Variants in MYO3A observed in about 807,000 individuals in gnomAD.
MYO3A encodes the protein myosin IIIA.
In MYO3A, 180 loss-of-function variants were observed where a neutral mutation model predicts 192.7. That is an observed-to-expected ratio of 0.93 (90% CI 0.83 to 1.06). The LOEUF is 1.06. Among genes scored for constraint, MYO3A ranks in the 50% least tolerant of loss-of-function variants. The pLI is 0.00. For missense variants in MYO3A, 1,896 were observed against 1,905.0 expected, an observed-to-expected ratio of 1.00 and a Z score of 0.09; for synonymous variants, 628 against 645.3, an observed-to-expected ratio of 0.97 and a Z score of 0.41.
At chr10:26,138,016 C>T (rs1490164564) in intron 20 of MYO3A, among the ~76,000 whole-genome samples, 1 of 152,138 alleles carries the variant, frequency 6.6e-6, no homozygotes, top group Non-Finnish European at 1.5e-5. Flanking sequence ...TTGTTGGACC[C>T]TTATCAGGAG....
In MYO3A at chr10:26,048,930, C is replaced by T. The variant is rs183079863; in HGVS notation, c.954-18045C>T. On this transcript the variant is annotated intron_variant, in intron 10 of 34. Coordinates refer to ENST00000642920, the MANE Select transcript of MYO3A (RefSeq NM_017433.5). ...AGGCCCAGGACAGAGCTCTGGGAAA[C>T]AACAACATTTAGTCACTAGCAGAGG... Among the ~76,000 whole-genome samples the T allele has an allele frequency of 4.2e-4, 64 of 152,176 alleles. 1 individual carries two copies. The highest frequency in any genetic ancestry group is 1.4e-3 in the Admixed American group (22 of 15,286).
chr10:26,172,234 C>G (rs75397842), intron 29 of MYO3A, among the ~76,000 whole-genome samples: 2 of 152,238 alleles, frequency 1.3e-5, no homozygotes, highest in East Asian at 1.9e-4. Context: ...CCTCAGCTAC[C>G]TGAAGCGCTT....
Position 26,193,219 on chromosome 10 carries a change from G to A in MYO3A, c.4453G>A (p.Glu1485Lys), listed in dbSNP as rs145362803. The A allele has an allele frequency of 1.4e-5, 23 of 1,613,320 alleles. No homozygotes were observed. In the African/African-American group the frequency reaches 2.8e-4, roughly 20 times the overall value. ...QQCLSGVCKG[E>K]EPKILRPPRR... ...CTTTCTTATAGGTGTCTGTAAAGGA[G>A]AGGAGCCAAAAATATTGAGACCCCC... Residue 1485 changes from glutamate (E) to lysine (K), a missense_variant, in exon 32 of 35, where the codon GAG becomes AAG. Physicochemically the swap from Glu to Lys is moderately conservative, Grantham distance 56. Transcript: ENST00000642920.
chr10:25,951,503 C>T (rs1278290122), intron 2 of MYO3A, among the ~76,000 whole-genome samples: 1 of 152,018 alleles, frequency 6.6e-6, no homozygotes, highest in Non-Finnish European at 1.5e-5. Flanking sequence ...ATATTAAAGT[C>T]CTCAAGAAAG....
At chr10:26,187,399 A>G (rs1191973122) in intron 31 of MYO3A, among the ~76,000 whole-genome samples, 1 of 152,202 alleles carries the variant, frequency 6.6e-6, no homozygotes, top group Admixed American at 6.5e-5. Context: ...GTTCAAGATC[A>G]AGGTGTCAGC....
At chr10:26,087,781 G>A (rs1406251143) in intron 14 of MYO3A, among the ~76,000 whole-genome samples, 1 of 152,156 alleles carries the variant, frequency 6.6e-6, no homozygotes, top group East Asian at 1.9e-4. Context: ...CTGAATTAAT[G>A]AGTTATCTTT....
chr10:26,179,251 A>G (rs1842492060), intron 31 of MYO3A, among the ~76,000 whole-genome samples: 1 of 150,954 alleles, frequency 6.6e-6, no homozygotes, highest in Non-Finnish European at 1.5e-5. Context: ...GGCGACCACC[A>G]CCATGCCCAG....
At chr10:26,110,312 C>A (rs1376187186) in intron 17 of MYO3A, among the ~76,000 whole-genome samples, 3 of 152,042 alleles carry the variant, frequency 2.0e-5, no homozygotes, top group Non-Finnish European at 2.9e-5. Context: ...ATGAATGAGC[C>A]CCTTCTCTCT....
chr10:26,021,387 T>C (rs1842292595), intron 7 of MYO3A, 116 bp from the exon 8 acceptor site: 8 of 1,242,940 alleles, frequency 6.4e-6, no homozygotes. Flanking sequence ...CCTTCGTCTT[T>C]ACTTATAGCT....
At chr10:25,934,646 G>A (rs1800935247) in intron 1 of MYO3A, among the ~76,000 whole-genome samples, 1 of 151,408 alleles carries the variant, frequency 6.6e-6, no homozygotes, top group Admixed American at 6.6e-5. Flanking sequence ...AGGGGGAAAC[G>A]GGGGCGGGGG....
chr10:26,184,066 G>C (rs1842750576), intron 31 of MYO3A, among the ~76,000 whole-genome samples: 1 of 152,186 alleles, frequency 6.6e-6, no homozygotes, highest in Non-Finnish European at 1.5e-5. Flanking sequence ...TAAAAAGAGA[G>C]AGAGAATTGA....
chr10:26,027,240 G>T (rs1842596179), intron 10 of MYO3A, among the ~76,000 whole-genome samples: 1 of 152,110 alleles, frequency 6.6e-6, no homozygotes, highest in African/African-American at 2.4e-5. Flanking sequence ...TAGTATATAA[G>T]TTTATTTTAG....
intron 10 of MYO3A, among the ~76,000 whole-genome samples, chr10:26,035,138 T>C (rs1842968684): frequency 6.6e-6 from 1 of 152,128 alleles, no homozygotes; most frequent in Non-Finnish European, 1.5e-5. Context: ...AGCTGGGGAA[T>C]ATAGCAAGGA....
intron 10 of MYO3A, among the ~76,000 whole-genome samples, chr10:26,062,394 G>A (rs893055238): frequency 2.7e-5 from 4 of 150,524 alleles, no homozygotes; most frequent in African/African-American, 7.3e-5. Context: ...TAGCGCGCCT[G>A]TAGTCTCAGC....
chr10:26,138,036 T>A (rs1283775483), intron 20 of MYO3A, among the ~76,000 whole-genome samples: 1 of 152,248 alleles, frequency 6.6e-6, no homozygotes, highest in East Asian at 1.9e-4. Context: ...GTTTCTGATT[T>A]TGCCCTTGTC....
chr10:26,058,783 A>C (rs1490088610), intron 10 of MYO3A, among the ~76,000 whole-genome samples: 3 of 152,226 alleles, frequency 2.0e-5, no homozygotes, highest in African/African-American at 7.2e-5. Flanking sequence ...GAATCTGTAA[A>C]GCAGGTTGAA....
Position 26,132,196 on chromosome 10 carries a change from C to T in MYO3A, c.2262+3658C>T, listed in dbSNP as rs543047065. 5.0e-4 allele frequency among the ~76,000 whole-genome samples: 76 copies of T among 152,178 alleles called. 1 individual carries two copies. Among genetic ancestry groups the T allele is most frequent in the South Asian group, 2.3e-3 (11 of 4,820 alleles). ...GTTTGTTTGTTTTGTGGTTTTCTTC[C>T]GTCGGAAAGGGAGCTTAACAGTAAT... On this transcript the variant is annotated intron_variant, in intron 20 of 34. Coordinates refer to ENST00000642920, the MANE Select transcript of MYO3A (RefSeq NM_017433.5).
intron 10 of MYO3A, among the ~76,000 whole-genome samples, chr10:26,060,091 C>G (rs983603327): frequency 6.6e-6 from 1 of 152,122 alleles, no homozygotes; most frequent in South Asian, 2.1e-4. Context: ...AACTCCATCT[C>G]TACTAAAAAT....
Position 26,211,654 on chromosome 10 carries a change from G to C in MYO3A, c.4731-189G>C, listed in dbSNP as rs759634279. Among the ~76,000 whole-genome samples the C allele has an allele frequency of 3.1e-4, 47 of 152,294 alleles. 1 individual carries two copies. Among genetic ancestry groups the C allele is most frequent in the Middle Eastern group, 6.8e-3 (2 of 294 alleles). The stretch of plus-strand genomic sequence containing the variant: ...CCCCTCTGCTCCTCAGCTTAGAGGA[G>C]TTTTTAAAACCTGTTGAGAATTATC... On this transcript the variant is annotated intron_variant, in intron 34 of 34. Transcript: ENST00000642920.
Sources: gnomAD v4.1 joint callset for allele counts (sites outside exome capture counted in the v4.1 genomes callset) on GRCh38, gnomAD v4.1.1 for gene constraint, MANE v1.5 for transcripts, NCBI Gene and HGNC (gene_info 2026-07-23, HGNC 2026-07-21) for gene names.